DAOA: variants seen among roughly 807,000 people sequenced by gnomAD.
DAOA encodes the protein D-amino acid oxidase activator.
Under a neutral mutation model 16.4 loss-of-function variants are expected in DAOA, and 15 were observed. The observed-to-expected ratio is 0.91, with a 90% CI of 0.61 to 1.41. The LOEUF (loss-of-function observed/expected upper bound fraction) is 1.41, where lower values mean the gene tolerates loss of function less well. Among genes scored for constraint, DAOA ranks in the 40% most tolerant of loss-of-function variants. The pLI is 0.00. For missense variants in DAOA, 230 were observed against 176.8 expected (o/e 1.30, Z -1.71); for synonymous variants, 75 against 59.1 (o/e 1.27, Z -1.23).
At chr13:105,467,830 C>T (rs766185920) in intron 3 of DAOA, 1 of 151,384 alleles carries the variant, frequency 6.6e-6, no homozygotes, top group Non-Finnish European at 1.5e-5. Flanking sequence ...AAGATATAGC[C>T]TTGTCTTAGT....
At chr13:105,489,658 T>C in intron 4 of DAOA, 7 of 871,350 alleles carry the variant, frequency 8.0e-6, no homozygotes, top group Admixed American at 3.0e-5. Context: ...CAATTCTTTA[T>C]GCTTTTTCAC....
chr13:105,485,069 A>G (rs1878017842), intron 4 of DAOA, among the ~76,000 whole-genome samples: 1 of 152,060 alleles, frequency 6.6e-6, no homozygotes, highest in Admixed American at 6.6e-5. Flanking sequence ...AATAGTCCAC[A>G]TTGTTCTTTA....
At chr13:105,468,221 C>T (rs552082771) in intron 3 of DAOA, among the ~76,000 whole-genome samples, 109 of 152,308 alleles carry the variant, frequency 7.2e-4, no homozygotes, top group African/African-American at 2.6e-3. Context: ...CGGTCGTTAA[C>T]ATTAATTACA....
chr13:105,486,699 A>G (rs938569030), intron 4 of DAOA, among the ~76,000 whole-genome samples: 2 of 151,328 alleles, frequency 1.3e-5, no homozygotes, highest in Non-Finnish European at 2.9e-5. Context: ...GCTCACTGCA[A>G]CCTCTGCCTC....
rs530565557 is a variant in DAOA at position 105,484,673 on chromosome 13, C to T, written c.282-5228C>T. The stretch of plus-strand genomic sequence containing the variant: ...ATATTAAATTTGAATTTTGAAACCT[C>T]ACTAAAATCATGCATTAGCTCTTAT... On this transcript the variant is annotated intron_variant, in intron 4 of 5. Coordinates refer to ENST00000375936, the MANE Select transcript of DAOA (RefSeq NM_172370.5). 4.6e-5 allele frequency among the ~76,000 whole-genome samples: 7 copies of T among 152,236 alleles called. No individual in the cohort carries two copies. In the South Asian group the frequency reaches 1.4e-3, roughly 32 times the overall value.
At chr13:105,478,234 TA>T (rs1354572690) in intron 4 of DAOA, among the ~76,000 whole-genome samples, 1 of 152,214 alleles carries the variant, frequency 6.6e-6, no homozygotes, top group African/African-American at 2.4e-5. Context: ...TGTACTTTTC[TA>T]AAAAACCTTT....
At chr13:105,466,502 T>G in intron 2 of DAOA, 170 bp downstream of exon 2, 1 of 1,112,002 alleles carries the variant, frequency 9.0e-7, no homozygotes, top group Non-Finnish European at 1.2e-6. Context: ...CCATATTCTG[T>G]CAGTCAAAGG....
intron 2 of DAOA, 104 bp downstream of exon 2, chr13:105,466,436 G>T: frequency 6.4e-7 from 1 of 1,572,430 alleles, no homozygotes; most frequent in South Asian, 1.2e-5. Context: ...GACAGGAAGT[G>T]GAACATGTCA....
At chr13:105,475,090 T>C in intron 4 of DAOA, 2 of 960,292 alleles carry the variant, frequency 2.1e-6, no homozygotes, top group Non-Finnish European at 2.5e-6. Context: ...TTAAGCTGCA[T>C]ACCCCTAGTG....
chr13:105,468,074 T>C (rs74328879), intron 3 of DAOA, among the ~76,000 whole-genome samples: 6,851 of 152,044 alleles, frequency 0.045, 163 homozygotes, highest in East Asian at 0.067. Flanking sequence ...GTCTTTAGAG[T>C]CAGCAATGTT....
At chr13:105,480,171 T>C (rs1356981193) in intron 4 of DAOA, among the ~76,000 whole-genome samples, 1 of 152,160 alleles carries the variant, frequency 6.6e-6, no homozygotes, top group Non-Finnish European at 1.5e-5. Flanking sequence ...AGATTAAAAT[T>C]CCCTGTCATT....
At chr13:105,489,795 C>T in intron 4 of DAOA, 106 bp from the exon 5 acceptor site, 1 of 1,609,618 alleles carries the variant, frequency 6.2e-7, no homozygotes, top group South Asian at 1.1e-5. Context: ...TGGGCAGGAG[C>T]TGGGACTTCT....
At chr13:105,466,878 T>A in intron 2 of DAOA, 175 bp from the exon 3 acceptor site, 1 of 862,570 alleles carries the variant, frequency 1.2e-6, no homozygotes, top group Non-Finnish European at 1.5e-6. Flanking sequence ...CAAACCTCAA[T>A]ATCTTCATCT....
At chr13:105,470,662 T>A (rs964077491) in intron 3 of DAOA, among the ~76,000 whole-genome samples, 12 of 152,162 alleles carry the variant, frequency 7.9e-5, no homozygotes, top group African/African-American at 2.9e-4. Flanking sequence ...CAGGCTGGAG[T>A]GCAGTGGTGC....
intron 3 of DAOA, 150 bp from the exon 4 acceptor site, chr13:105,472,388 T>G: frequency 9.7e-7 from 1 of 1,035,518 alleles, no homozygotes; most frequent in East Asian, 2.7e-5. Context: ...TTTGAGTCTC[T>G]GAGGGAATTT....
chr13:105,466,930 G>A (rs1876562976), intron 2 of DAOA, 123 bp from the exon 3 acceptor site: 1 of 1,253,986 alleles, frequency 8.0e-7, no homozygotes. Flanking sequence ...GAATAGTTAA[G>A]ATTAAAAATA....
intron 3 of DAOA, among the ~76,000 whole-genome samples, chr13:105,467,386 C>T (rs1261795000): frequency 6.6e-6 from 1 of 152,036 alleles, no homozygotes; most frequent in African/African-American, 2.4e-5. Flanking sequence ...ATGAAGAGAT[C>T]GATATCTCTT....
rs1360730088 is a variant in DAOA at position 105,470,790 on chromosome 13, C to CTTTTTT, written c.134-1747_134-1742dup. On this transcript the variant is annotated intron_variant, in intron 3 of 5. Transcript: ENST00000375936. ...ACAACTAGCTAATTTGTTTTCTTTT[C>CTTTTTT]TTTTTTCTTTTTTCTTTTTTGATGG... Among the ~76,000 whole-genome samples, 3 of 61,652 alleles carry CTTTTTT rather than the reference C, an allele frequency of 4.9e-5. No individual in the cohort carries two copies. The East Asian group carries it at 3.1e-3, about 63-fold the overall frequency. 40.4% of individuals were successfully genotyped at this position (61,652 alleles called of 152,430 possible). A position where few individuals can be genotyped will look rare whatever the true frequency, so the allele number is the denominator to read the frequency against.
rs763273231 is a variant in DAOA, at chr13:105,466,305, T to C, written c.17T>C (p.Met6Thr). MLEKL[M>T]GADSLQLFRS... ...GGACCCAAAATGCTGGAAAAGCTGATGGGTGCTGATTCTCTCCAGCTTTTC... is the reference window on the plus strand; with the variant it reads ...GGACCCAAAATGCTGGAAAAGCTGACGGGTGCTGATTCTCTCCAGCTTTTC... The change falls in exon 2 of 6, where the codon ATG (methionine) becomes ACG (threonine). Residue 6 changes from methionine to threonine, a missense_variant. Physicochemically the swap from Met to Thr is moderately conservative, Grantham distance 81 (BLOSUM62 -1). Transcript: ENST00000375936. The C allele has an allele frequency of 3.1e-6, 5 of 1,614,046 alleles. No homozygotes were observed. The highest frequency in any genetic ancestry group is 2.5e-6 in the Non-Finnish European group (3 of 1,179,956).
Sources: gnomAD v4.1 joint callset for allele counts (sites outside exome capture counted in the v4.1 genomes callset) on GRCh38, gnomAD v4.1.1 for gene constraint, MANE v1.5 for transcripts, NCBI Gene and HGNC (gene_info 2026-07-23, HGNC 2026-07-21) for gene names.